Variants in STPG4 observed in about 807,000 individuals in gnomAD.
The protein encoded by STPG4 is sperm-tail PG-rich repeat containing 4.
In STPG4, 41 loss-of-function variants were observed where a neutral mutation model predicts 31.5. That is an observed-to-expected ratio of 1.30 (90% confidence interval 1.01 to 1.69). STPG4 has a LOEUF of 1.69. Among genes scored for constraint, STPG4 ranks in the 40% most tolerant of loss-of-function variants. The pLI, the probability that STPG4 is intolerant of heterozygous loss-of-function variation, is 0.00. For synonymous variants in STPG4, 141 were observed against 103.0 expected (o/e 1.37, Z -2.24); for missense variants, 375 against 293.4 (o/e 1.28, Z -2.03).
intron 5 of STPG4, among the ~76,000 whole-genome samples, chr2:47,092,355 C>A (rs1409366008): frequency 6.8e-6 from 1 of 147,882 alleles, no homozygotes; most frequent in African/African-American, 2.5e-5. Context: ...CATGGTGAGA[C>A]CTTGTCTCTA....
intron 6 of STPG4, 30 bp from the exon 7 acceptor site, chr2:47,087,160 T>C: frequency 6.5e-7 from 1 of 1,549,708 alleles, no homozygotes; most frequent in Admixed American, 2.0e-5. Flanking sequence ...CAGGGACTGA[T>C]GAGACAGTGA....
Position 47,107,843 on chromosome 2 carries a change from T to C in STPG4, c.520-17469A>G, listed in dbSNP as rs187899068. On this transcript the variant is annotated intron_variant, in intron 5 of 6. Transcript: ENST00000445927. ...GCTCAAGGTTTGTAAACACACCAAT[T>C]AGCACCCTGTGTCTAGCTCAGGGTT... 5.7e-3 allele frequency among the ~76,000 whole-genome samples: 852 copies of C among 150,552 alleles called. 15 individuals are homozygous for C. The highest frequency in any genetic ancestry group is 0.02 in the African/African-American group (805 of 40,760).
rs527815182 is a variant in STPG4 at position 47,141,036 on chromosome 2, A to T, written c.399+10222T>A. ...CGAGTAGCTGTGACTACAGGTGTGT[A>T]CCACCACGGCCAGCTAATTTCTGTA... is the stretch of plus-strand genomic sequence containing the variant. On this transcript the variant is annotated intron_variant, in intron 3 of 6. Transcript: ENST00000445927. Among the ~76,000 whole-genome samples the T allele has an allele frequency of 2.0e-4, 31 of 151,912 alleles. No homozygotes were observed. The South Asian group carries it at 6.4e-3, about 32-fold the overall frequency.
intron 5 of STPG4, chr2:47,108,293 A>G (rs1685966147): frequency 6.6e-6 from 1 of 151,696 alleles, no homozygotes; most frequent in African/African-American, 2.4e-5. Flanking sequence ...GTCCCCTTCC[A>G]CACTGTGGAA....
intron 5 of STPG4, among the ~76,000 whole-genome samples, chr2:47,102,455 C>A (rs1685820742): frequency 6.6e-6 from 1 of 151,814 alleles, no homozygotes; most frequent in Non-Finnish European, 1.5e-5. Context: ...AAATGGTCAT[C>A]TGAGGGAAGT....
At chr2:47,117,915 C>CATATATAT (rs10563568) in intron 5 of STPG4, among the ~76,000 whole-genome samples, 18 of 94,870 alleles carry the variant, frequency 1.9e-4, no homozygotes, top group African/African-American at 6.6e-4. Flanking sequence ...GATAGTACAA[C>CATATATAT]ATATATATAT....
At chr2:47,108,960 G>A (rs919613629) in intron 5 of STPG4, among the ~76,000 whole-genome samples, 5 of 152,256 alleles carry the variant, frequency 3.3e-5, no homozygotes, top group African/African-American at 1.2e-4. Context: ...GGAGAGAGAT[G>A]AAGATAAAAC....
chr2:47,113,808 G>A (rs1287740301), intron 5 of STPG4, among the ~76,000 whole-genome samples: 1 of 152,104 alleles, frequency 6.6e-6, no homozygotes, highest in African/African-American at 2.4e-5. Flanking sequence ...GCCGAGGCAG[G>A]TGGATCACGA....
At chr2:47,087,183 G>T (rs756512644) in intron 6 of STPG4, 53 bp from the exon 7 acceptor site, 15 of 1,544,722 alleles carry the variant, frequency 9.7e-6, no homozygotes, top group Non-Finnish European at 1.2e-5. Context: ...CCAAAACCCT[G>T]AGGCTCCTGT....
chr2:47,105,900 C>T (rs1205406378), intron 5 of STPG4, among the ~76,000 whole-genome samples: 16 of 151,952 alleles, frequency 1.1e-4, no homozygotes, highest in Admixed American at 1.0e-3. Flanking sequence ...TTAAATACCA[C>T]AAGGAAATTA....
intron 5 of STPG4, among the ~76,000 whole-genome samples, chr2:47,112,020 C>A (rs190309594): frequency 4.2e-4 from 64 of 152,230 alleles, no homozygotes; most frequent in African/African-American, 1.3e-3. Context: ...TATCAAGAGG[C>A]CTTCGGGCAC....
rs561442733 is a variant in STPG4 at position 47,097,826 on chromosome 2, T to G, written c.520-7452A>C. On this transcript the variant is annotated intron_variant, in intron 5 of 6. Transcript: ENST00000445927. ...GTCTGCATAGGCTCCTGTCAAAAAA[T>G]GCACTGAGGGGCTGGATGCAGTGGC... Among the ~76,000 whole-genome samples the G allele has an allele frequency of 9.2e-5, 14 of 152,162 alleles. No individual in the cohort carries two copies. The East Asian group carries it at 2.7e-3, about 29-fold the overall frequency.
At chr2:47,114,947 T>C (rs1269315450) in intron 5 of STPG4, among the ~76,000 whole-genome samples, 1 of 152,108 alleles carries the variant, frequency 6.6e-6, no homozygotes, top group African/African-American at 2.4e-5. Context: ...TTGGCATTTT[T>C]AGTAGAGACA....
intron 5 of STPG4, among the ~76,000 whole-genome samples, chr2:47,104,587 C>A (rs1685866350): frequency 6.6e-6 from 1 of 151,958 alleles, no homozygotes; most frequent in Admixed American, 6.5e-5. Context: ...TCCCGCAGAC[C>A]ACATGTCCCA....
chr2:47,116,409 T>A (rs751669213), intron 5 of STPG4, among the ~76,000 whole-genome samples: 6 of 152,222 alleles, frequency 3.9e-5, no homozygotes, highest in African/African-American at 1.2e-4. Flanking sequence ...AAATTGCTCA[T>A]CTTATAAGAA....
chr2:47,136,054 TTTA>T (rs1361431496), intron 3 of STPG4, among the ~76,000 whole-genome samples: 4 of 152,360 alleles, frequency 2.6e-5, no homozygotes, highest in Non-Finnish European at 1.5e-5. Flanking sequence ...TTGCATGGAA[TTTA>T]AAGATCAAAT....
At chr2:47,128,215 G>A (rs1686402167) in intron 5 of STPG4, among the ~76,000 whole-genome samples, 1 of 152,114 alleles carries the variant, frequency 6.6e-6, no homozygotes, top group Non-Finnish European at 1.5e-5. Context: ...CTCTCTTTGT[G>A]CTGAGATGCC....
chr2:47,152,689 G>A (rs988505388), intron 2 of STPG4, among the ~76,000 whole-genome samples: 1 of 152,190 alleles, frequency 6.6e-6, no homozygotes, highest in African/African-American at 2.4e-5. Context: ...GATCATAAGA[G>A]CATAGGTTAG....
At chr2:47,130,017 A>G (rs1686443575) in intron 4 of STPG4, 22 bp from the exon 5 acceptor site, 1 of 1,518,768 alleles carries the variant, frequency 6.6e-7, no homozygotes, top group Non-Finnish European at 9.0e-7. Context: ...AATAAAAAAG[A>G]AAAGTGATTT....
Sources: gnomAD v4.1 joint callset for allele counts (sites outside exome capture counted in the v4.1 genomes callset) on GRCh38, gnomAD v4.1.1 for gene constraint, MANE v1.5 for transcripts, NCBI Gene and HGNC (gene_info 2026-07-23, HGNC 2026-07-21) for gene names.